Variants in FAM135A observed in about 807,000 individuals in gnomAD.
FAM135A encodes family with sequence similarity 135 member A.
In FAM135A, 79 loss-of-function variants were observed where a neutral mutation model predicts 146.8. The ratio of observed to expected loss-of-function variants is 0.54; its 90% CI spans 0.45 to 0.65. The LOEUF (loss-of-function observed/expected upper bound fraction) is 0.65, where lower values mean the gene tolerates loss of function less well. FAM135A is among the 30% of genes least tolerant of loss of function. FAM135A has a pLI of 0.00. For missense variants in FAM135A, 1,623 were observed against 1,758.2 expected (o/e 0.92, Z 1.38); for synonymous variants, 562 against 603.6 (o/e 0.93, Z 1.01).
In FAM135A at chr6:70,560,100, A is replaced by T. The variant is rs1198762057; in HGVS notation, c.*179A>T. The T allele has an allele frequency of 3.8e-6, 2 of 524,418 alleles. No individual in the cohort carries two copies. The highest frequency in any genetic ancestry group is 3.9e-5 in the African/African-American group (2 of 50,880). The allele number at this position is 524,418 out of a possible 1,614,324, so 32.5% of individuals were successfully genotyped here. ...AAACATCAACTTTACTTTCTAGGTA[A>T]TGTGGCTGTGCAATATTTTTTTAAT... On this transcript the variant is annotated 3_prime_UTR_variant, in exon 22 of 22. Coordinates refer to ENST00000418814, the MANE Select transcript of FAM135A (RefSeq NM_001162529.3).
chr6:70,497,507 G>A (rs1397564781), intron 11 of FAM135A, among the ~76,000 whole-genome samples: 1 of 152,106 alleles, frequency 6.6e-6, no homozygotes, highest in Non-Finnish European at 1.5e-5. Context: ...TTGCCAGATT[G>A]CCCTGGCCAG....
intron 16 of FAM135A, 95 bp downstream of exon 16, chr6:70,528,547 AG>A: frequency 1.8e-6 from 2 of 1,140,170 alleles, no homozygotes; most frequent in Non-Finnish European, 2.3e-6. Flanking sequence ...AACTAAAAAA[AG>A]ATTTTTTAAT....
chr6:70,482,711 G>A (rs1023522761), intron 10 of FAM135A, among the ~76,000 whole-genome samples: 6 of 151,946 alleles, frequency 3.9e-5, no homozygotes, highest in African/African-American at 1.4e-4. Context: ...GTATATATTT[G>A]TAGTGCATAA....
intron 7 of FAM135A, among the ~76,000 whole-genome samples, chr6:70,476,550 A>G (rs2128160612): frequency 6.6e-6 from 1 of 152,172 alleles, no homozygotes; most frequent in South Asian, 2.1e-4. Flanking sequence ...ATAAGCTGAA[A>G]TGAGTAGGTA....
intron 3 of FAM135A, among the ~76,000 whole-genome samples, chr6:70,427,583 A>G (rs1266557916): frequency 1.3e-5 from 2 of 152,148 alleles, no homozygotes; most frequent in Non-Finnish European, 2.9e-5. Context: ...ATTGACATAT[A>G]TGTTCACTGA....
chr6:70,526,277 C>G lies in FAM135A; in HGVS notation c.3193C>G (p.Pro1065Ala). ...CAVSYSNALSPQKETSEKEIS... is the reference protein window; with the variant it reads ...CAVSYSNALSAQKETSEKEIS... ...TGTTAGCTACAGCAATGCACTTAGC[C>G]CTCAGAAGGAAACTTCTGAAAAAGA... The change falls in exon 15 of 22, where the codon CCT becomes GCT. Residue 1065 changes from proline (P) to alanine (A), a missense_variant. Coordinates refer to ENST00000418814, the MANE Select transcript of FAM135A (RefSeq NM_001162529.3). The G allele has an allele frequency of 6.2e-7, 1 of 1,613,352 alleles. No homozygotes were observed. The highest frequency in any genetic ancestry group is 8.5e-7 in the Non-Finnish European group (1 of 1,179,664).
chr6:70,551,118 C>G (rs937869999), intron 20 of FAM135A, among the ~76,000 whole-genome samples: 1 of 152,318 alleles, frequency 6.6e-6, no homozygotes, highest in African/African-American at 2.4e-5. Flanking sequence ...AAACCTTCTC[C>G]GCATCAGCAA....
chr6:70,474,004 G>A (rs1782123954), intron 5 of FAM135A, among the ~76,000 whole-genome samples: 3 of 152,030 alleles, frequency 2.0e-5, no homozygotes, highest in South Asian at 2.1e-4. Context: ...CAAAGTCACC[G>A]CTGCACTTAG....
At chr6:70,443,750 T>C (rs1217007240) in intron 4 of FAM135A, among the ~76,000 whole-genome samples, 1 of 152,228 alleles carries the variant, frequency 6.6e-6, no homozygotes, top group Non-Finnish European at 1.5e-5. Context: ...ATCATACCTT[T>C]TTTTTCATCT....
rs538967873 is a variant in FAM135A, at chr6:70,494,500, TA to T, written c.873+3424del. Among the ~76,000 whole-genome samples, 938 of 152,006 alleles carry T rather than the reference TA, an allele frequency of 6.2e-3. 8 individuals are homozygous for T. Among genetic ancestry groups the T allele is most frequent in the Non-Finnish European group, 8.4e-3 (573 of 67,964 alleles). On this transcript the variant is annotated intron_variant, in intron 11 of 21. Transcript: ENST00000418814. ...AAGTAATGAAACCTTGTCTCAAGTT[TA>T]AAAAAAGAAAAGAAAAATACACAAA...
In FAM135A at chr6:70,413,711, C is replaced by G; in HGVS notation, c.-220+9C>G. On this transcript the variant is annotated intron_variant, in intron 1 of 21. Coordinates refer to ENST00000418814, the MANE Select transcript of FAM135A (RefSeq NM_001162529.3). ...GCCGAGCCGGGCGAGAGGTAACCCC[C>G]TTACTGTCCCCTCTGGCTCCCCCGG... 2.9e-6 allele frequency: 2 copies of G among 697,990 alleles called. No homozygotes were observed. Among genetic ancestry groups the G allele is most frequent in the Non-Finnish European group, 3.5e-6 (2 of 566,832 alleles). The allele number at this position is 697,990 out of a possible 1,614,324, so 43.2% of individuals were successfully genotyped here.
chr6:70,456,946 T>C (rs1168401425), intron 5 of FAM135A, among the ~76,000 whole-genome samples: 8 of 152,200 alleles, frequency 5.3e-5, no homozygotes, highest in Non-Finnish European at 1.2e-4. Context: ...GGCATTATCT[T>C]GGTTAACAAT....
intron 5 of FAM135A, among the ~76,000 whole-genome samples, chr6:70,466,311 G>T (rs1298769148): frequency 6.6e-6 from 1 of 152,076 alleles, no homozygotes; most frequent in Non-Finnish European, 1.5e-5. Context: ...CTTGACGTTT[G>T]TGTTATTCTT....
At chr6:70,436,457 G>A (rs1234903093) in intron 4 of FAM135A, among the ~76,000 whole-genome samples, 1 of 152,122 alleles carries the variant, frequency 6.6e-6, no homozygotes, top group Non-Finnish European at 1.5e-5. Context: ...CATTGTTAAT[G>A]TTAGCTGTGA....
At chr6:70,532,099 A>G (rs538408549) in intron 16 of FAM135A, among the ~76,000 whole-genome samples, 59 of 150,774 alleles carry the variant, frequency 3.9e-4, no homozygotes, top group African/African-American at 1.4e-3. Flanking sequence ...GCTGGTCTTG[A>G]TCTCCTGACC....
At chr6:70,460,643 G>A (rs1043556686) in intron 5 of FAM135A, among the ~76,000 whole-genome samples, 6 of 152,168 alleles carry the variant, frequency 3.9e-5, no homozygotes, top group Non-Finnish European at 8.8e-5. Context: ...TGGTATTGAT[G>A]TGGATCACTG....
chr6:70,501,869 G>T lies in FAM135A; in HGVS notation c.874-767G>T, dbSNP rs552896099. Among the ~76,000 whole-genome samples the T allele has an allele frequency of 3.9e-5, 6 of 152,314 alleles. No individual in the cohort carries two copies. In the South Asian group the frequency reaches 1.2e-3, roughly 32 times the overall value. On this transcript the variant is annotated intron_variant, in intron 11 of 21. Coordinates refer to ENST00000418814, the MANE Select transcript of FAM135A (RefSeq NM_001162529.3). Reference sequence around the variant, plus strand: ...CAGAAATCACCCACCTTCTGCGATGGTGTCACTGGGAGCTGCAGACCAGAG... The same window carrying T: ...CAGAAATCACCCACCTTCTGCGATGTTGTCACTGGGAGCTGCAGACCAGAG...
At chr6:70,512,354 GT>G (rs1401335631) in intron 12 of FAM135A, among the ~76,000 whole-genome samples, 1 of 151,748 alleles carries the variant, frequency 6.6e-6, no homozygotes, top group African/African-American at 2.4e-5. Flanking sequence ...GTGAACATAA[GT>G]TTTTATTTCT....
intron 12 of FAM135A, among the ~76,000 whole-genome samples, chr6:70,520,665 A>G (rs1257637196): frequency 6.6e-6 from 1 of 152,174 alleles, no homozygotes; most frequent in African/African-American, 2.4e-5. Flanking sequence ...ATACATACAT[A>G]TACAAAGCAG....
Sources: allele counts gnomAD v4.1 joint callset (sites outside exome capture counted in the v4.1 genomes callset), GRCh38; gene constraint gnomAD v4.1.1; transcripts MANE v1.5; gene names NCBI Gene and HGNC (gene_info 2026-07-23, HGNC 2026-07-21).